Variants in EGFR observed in about 807,000 individuals in gnomAD.
The protein encoded by EGFR is avian erythroblastic leukemia viral (v-erb-b) oncogene homolog.
EGFR carries 58 observed loss-of-function variants against 143.0 expected under a neutral mutation model. The observed-to-expected ratio is 0.41, with a 90% CI of 0.33 to 0.50. The LOEUF (loss-of-function observed/expected upper bound fraction) is 0.50, where lower values mean the gene tolerates loss of function less well. Among genes scored for constraint, EGFR ranks in the 20% least tolerant of loss-of-function variants. EGFR has a pLI of 0.39. For synonymous variants in EGFR, 613 were observed against 594.4 expected, an observed-to-expected ratio of 1.03 and a Z score of -0.45; for missense variants, 1,307 against 1,579.0, an observed-to-expected ratio of 0.83 and a Z score of 2.92.
chr7:55,023,662 A>C lies in EGFR; in HGVS notation c.88+4297A>C, dbSNP rs554017380. 3.3e-5 allele frequency among the ~76,000 whole-genome samples: 5 copies of C among 151,954 alleles called. No individual in the cohort carries two copies. In the East Asian group the frequency reaches 9.7e-4, roughly 29 times the overall value. On this transcript the variant is annotated intron_variant, in intron 1 of 27. Transcript: ENST00000275493. The stretch of plus-strand genomic sequence containing the variant: ...TGAGACTCCATCTCAAAAAAAAAAA[A>C]AAAAAAACAGATTCTGTTCCTCAGA...
At chr7:55,067,276 T>C (rs1022211363) in intron 1 of EGFR, among the ~76,000 whole-genome samples, 3 of 151,868 alleles carry the variant, frequency 2.0e-5, no homozygotes, top group African/African-American at 7.3e-5. Context: ...CCTGCAATGC[T>C]TTCAAGACTA....
intron 22 of EGFR, among the ~76,000 whole-genome samples, chr7:55,196,677 A>T (rs1262343679): frequency 1.3e-5 from 2 of 151,974 alleles, no homozygotes; most frequent in African/African-American, 4.8e-5. Flanking sequence ...TCTTTAATCC[A>T]TGTTGAGTTT....
chr7:55,134,251 C>T (rs982757975), intron 1 of EGFR, among the ~76,000 whole-genome samples: 24 of 151,510 alleles, frequency 1.6e-4, no homozygotes, highest in Middle Eastern at 3.4e-3. Context: ...GAGGCCCACC[C>T]GAGCCACATC....
chr7:55,201,845 GA>G, intron 26 of EGFR, 63 bp downstream of exon 26: 2 of 1,561,302 alleles, frequency 1.3e-6, no homozygotes, highest in Non-Finnish European at 1.8e-6. Flanking sequence ...ATTTTACATG[GA>G]AAATGCCTTA....
intron 12 of EGFR, 129 bp downstream of exon 12, chr7:55,160,467 T>G (rs762371589): frequency 4.8e-5 from 49 of 1,026,314 alleles, no homozygotes; most frequent in Non-Finnish European, 6.7e-5. Flanking sequence ...AATTAAAATC[T>G]TAAGATTCCT....
chr7:55,178,283 C>T (rs987360605), intron 19 of EGFR, among the ~76,000 whole-genome samples: 1 of 152,222 alleles, frequency 6.6e-6, no homozygotes, highest in Admixed American at 6.5e-5. Context: ...GTGATTTGTG[C>T]TTTCTGGCAA....
chr7:55,050,879 C>T (rs1183570240), intron 1 of EGFR, among the ~76,000 whole-genome samples: 1 of 152,194 alleles, frequency 6.6e-6, no homozygotes, highest in East Asian at 1.9e-4. Context: ...CTGCAGCACA[C>T]GCCCCCTCCA....
At chr7:55,168,527 T>G in intron 15 of EGFR, 1 of 1,580,836 alleles carries the variant, frequency 6.3e-7, no homozygotes, top group Non-Finnish European at 8.7e-7. Context: ...TCCCAGGTCC[T>G]AATAAATCTT....
intron 11 of EGFR, among the ~76,000 whole-genome samples, chr7:55,158,331 G>C (rs1483877048): frequency 6.6e-6 from 1 of 152,202 alleles, no homozygotes; most frequent in African/African-American, 2.4e-5. Flanking sequence ...TGGAGGAGGA[G>C]ATGGGAATCT....
chr7:55,185,811 C>A (rs1787110057), intron 20 of EGFR, among the ~76,000 whole-genome samples: 1 of 152,184 alleles, frequency 6.6e-6, no homozygotes, highest in South Asian at 2.1e-4. Context: ...TGTATAAGCA[C>A]CAAACTACAC....
chr7:55,109,672 G>A, intron 1 of EGFR: 1 of 935,826 alleles, frequency 1.1e-6, no homozygotes, highest in South Asian at 4.9e-5. Flanking sequence ...CTCTTAAAGG[G>A]ATATCCTCTC....
Position 55,170,534 on chromosome 7 carries a change from C to T in EGFR, c.1881-641C>T, listed in dbSNP as rs10258568. 10,454 of 1,613,382 alleles carry T rather than the reference C, an allele frequency of 6.5e-3. 597 individuals carry two copies. The African/African-American group carries it at 0.12, about 19-fold the overall frequency. On this transcript the variant is annotated intron_variant, in intron 15 of 27. Coordinates refer to ENST00000275493, the MANE Select transcript of EGFR (RefSeq NM_005228.5). ...GCATCTGTGATCATCACGGCCTCCT[C>T]CTGCCACTGAGCCTCATGCCTTCAC...
rs767658282 is a variant in EGFR at position 55,161,489 on chromosome 7, G to A, written c.1499-10G>A. 1.2e-6 allele frequency: 2 copies of A among 1,613,136 alleles called. No individual in the cohort carries two copies. Among genetic ancestry groups the A allele is most frequent in the Admixed American group, 3.3e-5 (2 of 60,004 alleles). Reference sequence around the variant, plus strand: ...GTCACTGACTGCTGTGACCCACTCTGTCTCCGCAGAGGCCACAGGCCAGGT... The same window carrying A: ...GTCACTGACTGCTGTGACCCACTCTATCTCCGCAGAGGCCACAGGCCAGGT... On this transcript the variant is annotated splice_polypyrimidine_tract_variant and intron_variant, in intron 12 of 27. Coordinates refer to ENST00000275493, the MANE Select transcript of EGFR (RefSeq NM_005228.5).
intron 19 of EGFR, among the ~76,000 whole-genome samples, chr7:55,178,379 G>T (rs988537348): frequency 6.6e-6 from 1 of 152,232 alleles, no homozygotes; most frequent in African/African-American, 2.4e-5. Flanking sequence ...ATTTCTAGGT[G>T]TACTGTGTGT....
chr7:55,108,688 A>G (rs749374108), intron 1 of EGFR, among the ~76,000 whole-genome samples: 6 of 152,212 alleles, frequency 3.9e-5, no homozygotes, highest in Non-Finnish European at 5.9e-5. Context: ...TTCTCAAAGT[A>G]TAGTCACTCC....
intron 1 of EGFR, among the ~76,000 whole-genome samples, chr7:55,046,799 A>T (rs1183133141): frequency 6.6e-6 from 1 of 152,138 alleles, no homozygotes; most frequent in Non-Finnish European, 1.5e-5. Context: ...CCACCTCCCA[A>T]TGCTGTCACA....
intron 1 of EGFR, among the ~76,000 whole-genome samples, chr7:55,091,174 A>C (rs1371145006): frequency 6.6e-6 from 1 of 152,214 alleles, no homozygotes; most frequent in African/African-American, 2.4e-5. Flanking sequence ...TTGGATTTGC[A>C]CAATTTCACG....
chr7:55,121,453 C>T (rs755888620), intron 1 of EGFR, among the ~76,000 whole-genome samples: 2 of 152,230 alleles, frequency 1.3e-5, no homozygotes, highest in Non-Finnish European at 2.9e-5. Flanking sequence ...GAATGTCCTA[C>T]ACACCTTCTC....
At chr7:55,052,851 A>C (rs1458851921) in intron 1 of EGFR, among the ~76,000 whole-genome samples, 1 of 152,140 alleles carries the variant, frequency 6.6e-6, no homozygotes, top group African/African-American at 2.4e-5. Flanking sequence ...CGTTCTGAAA[A>C]AGAAGAAGGC....
Sources: allele counts gnomAD v4.1 joint callset (sites outside exome capture counted in the v4.1 genomes callset), GRCh38; gene constraint gnomAD v4.1.1; transcripts MANE v1.5; gene names NCBI Gene and HGNC (gene_info 2026-07-23, HGNC 2026-07-21).